The following TRAPPC9 variants were observed in gnomAD, a reference collection of about 807,000 sequenced individuals.
TRAPPC9 encodes IKK2 binding protein.
Under a neutral mutation model 124.0 loss-of-function variants are expected in TRAPPC9, and 83 were observed. The observed-to-expected ratio is 0.67, with a 90% confidence interval of 0.56 to 0.80. TRAPPC9 has a LOEUF of 0.80. TRAPPC9 is among the 30% of genes least tolerant of loss of function. The pLI, the probability that TRAPPC9 is intolerant of heterozygous loss-of-function variation, is 0.00. For synonymous variants in TRAPPC9, 638 were observed against 617.5 expected (o/e 1.03, Z -0.49); for missense variants, 1,302 against 1,508.3 (o/e 0.86, Z 2.27).
At chr8:139,863,169 G>A (rs191410600) in intron 21 of TRAPPC9, among the ~76,000 whole-genome samples, 49 of 152,348 alleles carry the variant, frequency 3.2e-4, no homozygotes, top group African/African-American at 1.1e-3. Flanking sequence ...GGAAGGCTAC[G>A]GACTTTGCAG....
chr8:140,434,523 T>C (rs1279177713), intron 4 of TRAPPC9, among the ~76,000 whole-genome samples: 1 of 152,144 alleles, frequency 6.6e-6, no homozygotes, highest in Non-Finnish European at 1.5e-5. Flanking sequence ...TCCTAATACA[T>C]AAAATTATAA....
intron 21 of TRAPPC9, among the ~76,000 whole-genome samples, chr8:139,756,509 T>A (rs1460547928): frequency 6.8e-4 from 60 of 88,694 alleles, no homozygotes; most frequent in Admixed American, 1.1e-3. Flanking sequence ...GGAGCCAGGG[T>A]TTGGGGATGA....
Position 139,728,115 on chromosome 8 carries a change from A to T in TRAPPC9, c.*2946T>A, listed in dbSNP as rs1173398926. On this transcript the variant is annotated 3_prime_UTR_variant, in exon 23 of 23. Coordinates refer to ENST00000438773, the MANE Select transcript of TRAPPC9 (RefSeq NM_001160372.4). ...TTATCTCTATTTATTCAGATGAAAA[A>T]AAATCAAGGCTTAATTTAAGTAACT... is the stretch of plus-strand genomic sequence containing the variant. Among the ~76,000 whole-genome samples the T allele has an allele frequency of 6.6e-6, 1 of 152,240 alleles. No homozygotes were observed. Among genetic ancestry groups the T allele is most frequent in the African/African-American group, 2.4e-5 (1 of 41,462 alleles).
At chr8:139,874,478 G>A (rs767140513) in intron 21 of TRAPPC9, among the ~76,000 whole-genome samples, 8 of 152,232 alleles carry the variant, frequency 5.3e-5, no homozygotes, top group Admixed American at 5.2e-4. Flanking sequence ...ACGCGCAGGC[G>A]GAAATGCAGC....
intron 20 of TRAPPC9, among the ~76,000 whole-genome samples, chr8:139,898,683 G>A (rs1198670560): frequency 6.6e-6 from 1 of 152,190 alleles, no homozygotes; most frequent in Non-Finnish European, 1.5e-5. Context: ...GTGAGATGCA[G>A]AGGATGTGGC....
chr8:140,371,492 C>T (rs2068280656), intron 7 of TRAPPC9, among the ~76,000 whole-genome samples: 1 of 151,460 alleles, frequency 6.6e-6, no homozygotes, highest in Non-Finnish European at 1.5e-5. Flanking sequence ...AACAAGAGTT[C>T]ATCTACACAA....
At chr8:140,193,110 T>C (rs2062535969) in intron 17 of TRAPPC9, among the ~76,000 whole-genome samples, 1 of 152,184 alleles carries the variant, frequency 6.6e-6, no homozygotes, top group African/African-American at 2.4e-5. Context: ...AAACAAGTAT[T>C]TCACTGGGGA....
chr8:139,873,590 AG>A (rs778820640), intron 21 of TRAPPC9, among the ~76,000 whole-genome samples: 1 of 152,162 alleles, frequency 6.6e-6, no homozygotes, highest in Non-Finnish European at 1.5e-5. Context: ...ACTGTTTCCA[AG>A]GAGCTCACAG....
At chr8:140,295,140 C>T (rs918602350) in intron 11 of TRAPPC9, among the ~76,000 whole-genome samples, 1 of 152,192 alleles carries the variant, frequency 6.6e-6, no homozygotes, top group Non-Finnish European at 1.5e-5. Context: ...CGTTTATTGA[C>T]AAGTTCGTCT....
chr8:140,244,191 G>A (rs2063925652), intron 16 of TRAPPC9, among the ~76,000 whole-genome samples: 1 of 152,188 alleles, frequency 6.6e-6, no homozygotes, highest in Non-Finnish European at 1.5e-5. Context: ...AGGAAGGAGT[G>A]GATAACAGCA....
chr8:139,872,260 G>GTGGA (rs755108818), intron 21 of TRAPPC9, among the ~76,000 whole-genome samples: 163 of 128,552 alleles, frequency 1.3e-3, no homozygotes, highest in African/African-American at 3.1e-3. Context: ...GGTTGGATGA[G>GTGGA]TGGATGGATG....
At chr8:140,419,813 A>G (rs113686161) in intron 5 of TRAPPC9, among the ~76,000 whole-genome samples, 4,470 of 151,210 alleles carry the variant, frequency 0.03, 210 homozygotes, top group African/African-American at 0.095. Context: ...GTGAACCCGG[A>G]AGGCGGAGCT....
At chr8:140,061,682 G>C (rs896178716) in intron 17 of TRAPPC9, among the ~76,000 whole-genome samples, 1 of 152,212 alleles carries the variant, frequency 6.6e-6, no homozygotes, top group South Asian at 2.1e-4. Flanking sequence ...CTGGGCACTT[G>C]CTCTAATCAC....
intron 21 of TRAPPC9, among the ~76,000 whole-genome samples, chr8:139,806,571 G>A (rs1244070941): frequency 4.6e-5 from 7 of 152,224 alleles, no homozygotes; most frequent in Admixed American, 6.5e-5. Context: ...TACCTGAACC[G>A]GGAGGCATCC....
intron 18 of TRAPPC9, among the ~76,000 whole-genome samples, chr8:140,020,456 T>C (rs1167987526): frequency 6.6e-6 from 1 of 152,106 alleles, no homozygotes; most frequent in African/African-American, 2.4e-5. Context: ...TGAGACCCCA[T>C]CTCTACCAAA....
At chr8:140,081,794 T>G (rs1028099814) in intron 17 of TRAPPC9, among the ~76,000 whole-genome samples, 11 of 152,214 alleles carry the variant, frequency 7.2e-5, no homozygotes, top group African/African-American at 2.4e-4. Context: ...CAATCTGCTA[T>G]TCTCTCAAGA....
At chr8:140,271,993 G>A (rs1295552134) in intron 15 of TRAPPC9, among the ~76,000 whole-genome samples, 2 of 132,458 alleles carry the variant, frequency 1.5e-5, no homozygotes, top group Non-Finnish European at 3.3e-5. Context: ...TGGTGGTGGT[G>A]GTGGTAGTGA....
At chr8:139,756,071 G>A (rs1378671871) in intron 21 of TRAPPC9, among the ~76,000 whole-genome samples, 3 of 118,464 alleles carry the variant, frequency 2.5e-5, no homozygotes, top group Non-Finnish European at 5.1e-5. Flanking sequence ...GTCGCAGGAG[G>A]AGCCAGGGTT....
intron 17 of TRAPPC9, among the ~76,000 whole-genome samples, chr8:140,189,717 C>T (rs1263262746): frequency 4.0e-5 from 6 of 151,596 alleles, no homozygotes; most frequent in Non-Finnish European, 7.4e-5. Context: ...AAGGATCATT[C>T]ATTACTTTGT....
Sources: allele counts gnomAD v4.1 joint callset (sites outside exome capture counted in the v4.1 genomes callset), GRCh38; gene constraint gnomAD v4.1.1; transcripts MANE v1.5; gene names NCBI Gene and HGNC (gene_info 2026-07-23, HGNC 2026-07-21).